Variants in ERBB4 observed in about 807,000 individuals in gnomAD.
ERBB4 encodes erb-b2 receptor tyrosine kinase 4.
ERBB4 carries 42 observed loss-of-function variants against 158.0 expected under a neutral mutation model. The observed-to-expected ratio is 0.27, with a 90% confidence interval of 0.21 to 0.34. The LOEUF (loss-of-function observed/expected upper bound fraction) is 0.34. Among genes scored for constraint, ERBB4 ranks in the 10% least tolerant of loss-of-function variants. The probability of loss-of-function intolerance (pLI) is 1.00; values close to 1 mark genes in which losing one functional copy is unlikely to be tolerated. For synonymous variants in ERBB4, 583 were observed against 558.7 expected (o/e 1.04, Z -0.61); for missense variants, 1,333 against 1,624.1 (o/e 0.82, Z 3.08).
intron 3 of ERBB4, among the ~76,000 whole-genome samples, chr2:211,817,533 T>G (rs909959640): frequency 6.6e-6 from 1 of 152,196 alleles, no homozygotes; most frequent in African/African-American, 2.4e-5. Context: ...TATCATAAAT[T>G]TACTTTTCCC....
chr2:211,536,671 G>C (rs2066662992), intron 20 of ERBB4, among the ~76,000 whole-genome samples: 1 of 151,940 alleles, frequency 6.6e-6, no homozygotes, highest in Non-Finnish European at 1.5e-5. Context: ...GCAGGGGAGT[G>C]GGAAACCAAA....
chr2:212,045,969 G>A (rs1176089608), intron 2 of ERBB4, among the ~76,000 whole-genome samples: 1 of 152,140 alleles, frequency 6.6e-6, no homozygotes, highest in Non-Finnish European at 1.5e-5. Context: ...TATATTCTAT[G>A]GAATAAACCG....
At chr2:211,964,396 A>G (rs1048466976) in intron 2 of ERBB4, among the ~76,000 whole-genome samples, 3 of 152,180 alleles carry the variant, frequency 2.0e-5, no homozygotes, top group Admixed American at 6.6e-5. Flanking sequence ...GCTAACTTTC[A>G]ACAGATGTTT....
At chr2:211,795,594 C>A (rs376384833) in intron 3 of ERBB4, among the ~76,000 whole-genome samples, 3 of 151,804 alleles carry the variant, frequency 2.0e-5, no homozygotes, top group African/African-American at 7.2e-5. Flanking sequence ...CATCAGGGAG[C>A]CCCATTCTAT....
At chr2:212,291,149 A>G (rs2086192091) in intron 1 of ERBB4, among the ~76,000 whole-genome samples, 3 of 152,138 alleles carry the variant, frequency 2.0e-5, no homozygotes, top group South Asian at 2.1e-4. Context: ...ACGTCAAGTC[A>G]TAACACCCAT....
At chr2:212,316,634 T>A (rs187038683) in intron 1 of ERBB4, among the ~76,000 whole-genome samples, 5 of 151,588 alleles carry the variant, frequency 3.3e-5, no homozygotes, top group Admixed American at 2.0e-4. Context: ...AAAAGTGGTT[T>A]GTCAATAAAA....
intron 4 of ERBB4, chr2:211,778,582 C>G (rs140515029): frequency 3.3e-5 from 5 of 152,162 alleles, no homozygotes; most frequent in Non-Finnish European, 7.3e-5. Flanking sequence ...ACTTCTCCCC[C>G]CATCTTTTCT....
rs113665946 is a variant in ERBB4, at chr2:212,513,774, T to G, written c.82+24675A>C. ...TTGCAGTGCGCCAAGATCCCGCCAC[T>G]GCACTCCAGCCTGGGCGACACGGCG... On this transcript the variant is annotated intron_variant, in intron 1 of 27. Coordinates refer to ENST00000342788, the MANE Select transcript of ERBB4 (RefSeq NM_005235.3). 4.1e-3 allele frequency among the ~76,000 whole-genome samples: 626 copies of G among 151,570 alleles called. 3 individuals are homozygous for G. Among genetic ancestry groups the G allele is most frequent in the Non-Finnish European group, 7.0e-3 (474 of 68,020 alleles).
In ERBB4 at chr2:211,535,977, T is replaced by G. The variant is rs188544890; in HGVS notation, c.2487+25926A>C. ...TCTTGAAGATACATTTCCCTGTTTTTTTAAATTTAAAGAACACCAAGAGTA... is the reference window on the plus strand; with the variant it reads ...TCTTGAAGATACATTTCCCTGTTTTGTTAAATTTAAAGAACACCAAGAGTA... On this transcript the variant is annotated intron_variant, in intron 20 of 27. Transcript: ENST00000342788. Among the ~76,000 whole-genome samples, 157 of 151,980 alleles carry G rather than the reference T, an allele frequency of 1.0e-3. 2 individuals carry two copies. Among genetic ancestry groups the G allele is most frequent in the Non-Finnish European group, 1.8e-3 (121 of 67,954 alleles).
At chr2:212,381,215 T>G (rs978951628) in intron 1 of ERBB4, among the ~76,000 whole-genome samples, 1 of 151,168 alleles carries the variant, frequency 6.6e-6, no homozygotes, top group African/African-American at 2.4e-5. Flanking sequence ...CAAACCAAAA[T>G]CTTACAAAAA....
At chr2:211,611,249 T>C (rs1318598193) in intron 19 of ERBB4, among the ~76,000 whole-genome samples, 1 of 151,992 alleles carries the variant, frequency 6.6e-6, no homozygotes, top group Non-Finnish European at 1.5e-5. Context: ...TGCAGCCTGA[T>C]GTTTTTAACC....
At chr2:212,278,738 T>A (rs2085639657) in intron 1 of ERBB4, among the ~76,000 whole-genome samples, 1 of 151,596 alleles carries the variant, frequency 6.6e-6, no homozygotes, top group African/African-American at 2.4e-5. Context: ...AGAAAAGCAA[T>A]CTTCACTTTA....
At chr2:212,514,519 T>C (rs1691715677) in intron 1 of ERBB4, among the ~76,000 whole-genome samples, 2 of 152,148 alleles carry the variant, frequency 1.3e-5, no homozygotes, top group African/African-American at 4.8e-5. Context: ...AATAAATTCA[T>C]TGCTAGGCTG....
At chr2:211,930,787 G>A (rs2080153989) in intron 3 of ERBB4, among the ~76,000 whole-genome samples, 1 of 152,134 alleles carries the variant, frequency 6.6e-6, no homozygotes, top group Admixed American at 6.6e-5. Context: ...CTTAATGCAA[G>A]TTCATCAAGT....
At chr2:211,775,824 G>A (rs2075859217) in intron 4 of ERBB4, among the ~76,000 whole-genome samples, 1 of 152,166 alleles carries the variant, frequency 6.6e-6, no homozygotes, top group Admixed American at 6.5e-5. Context: ...CCTGGACATA[G>A]AAAATGTAGC....
intron 1 of ERBB4, among the ~76,000 whole-genome samples, chr2:212,451,963 G>T (rs991419475): frequency 6.6e-6 from 1 of 151,214 alleles, no homozygotes; most frequent in Non-Finnish European, 1.5e-5. Context: ...CAGAAGGATT[G>T]TCTCAGGCAC....
At chr2:212,277,179 G>A (rs968981404) in intron 1 of ERBB4, among the ~76,000 whole-genome samples, 1 of 151,782 alleles carries the variant, frequency 6.6e-6, no homozygotes. Context: ...AGGGCAGTGG[G>A]CTGCGATACA....
intron 1 of ERBB4, among the ~76,000 whole-genome samples, chr2:212,521,366 C>T (rs1051776217): frequency 7.3e-5 from 11 of 151,694 alleles, no homozygotes; most frequent in African/African-American, 2.2e-4. Context: ...CCAAATTCTT[C>T]CTCAAATAGT....
At chr2:211,689,023 C>T (rs2072692001) in intron 12 of ERBB4, among the ~76,000 whole-genome samples, 1 of 152,084 alleles carries the variant, frequency 6.6e-6, no homozygotes, top group African/African-American at 2.4e-5. Flanking sequence ...CATATCTAGA[C>T]TCTCTTCCCC....
Sources: allele counts gnomAD v4.1 joint callset (sites outside exome capture counted in the v4.1 genomes callset), GRCh38; gene constraint gnomAD v4.1.1; transcripts MANE v1.5; gene names NCBI Gene and HGNC (gene_info 2026-07-23, HGNC 2026-07-21).